The following NRXN3 variants were observed in gnomAD, a reference collection of about 807,000 sequenced individuals.
NRXN3 encodes neurexin 3, also known as neurexin III.
A neutral mutation model predicts 137.6 loss-of-function variants in NRXN3; 32 were observed. The observed-to-expected ratio is 0.23, with a 90% CI of 0.18 to 0.31. The LOEUF (loss-of-function observed/expected upper bound fraction) is 0.31, where lower values mean the gene tolerates loss of function less well. Ranked by LOEUF, NRXN3 falls within the 10% of genes least tolerant of loss-of-function variation. NRXN3 has a pLI of 1.00. For synonymous variants in NRXN3, 798 were observed against 784.5 expected, an observed-to-expected ratio of 1.02 and a Z score of -0.29; for missense variants, 1,574 against 2,062.5, an observed-to-expected ratio of 0.76 and a Z score of 4.59.
intron 4 of NRXN3, among the ~76,000 whole-genome samples, chr14:78,644,552 G>T (rs1384726508): frequency 6.6e-6 from 1 of 152,110 alleles, no homozygotes; most frequent in Non-Finnish European, 1.5e-5. Context: ...ACCTGCTCAG[G>T]TCCAACCTCC....
At chr14:78,660,500 C>T (rs1041927145) in intron 6 of NRXN3, among the ~76,000 whole-genome samples, 2 of 152,048 alleles carry the variant, frequency 1.3e-5, no homozygotes, top group African/African-American at 2.4e-5. Context: ...GGATCCATAA[C>T]ATACAGGCTC....
intron 16 of NRXN3, among the ~76,000 whole-genome samples, chr14:79,565,163 GTAAGTGCTA>G (rs978149649): frequency 1.3e-5 from 2 of 151,420 alleles, no homozygotes; most frequent in Admixed American, 6.6e-5. Context: ...TGTTGGTTGT[GTAAGTGCTA>G]TAAGTATAAA....
In NRXN3 at chr14:79,029,525, AAAGATTTC is replaced by A. The variant is rs1330345283; in HGVS notation, c.3262+41385_3262+41392del. On this transcript the variant is annotated intron_variant, in intron 15 of 20. Coordinates refer to ENST00000335750, the MANE Select transcript of NRXN3 (RefSeq NM_001330195.2). ...AAATTCCAGTTTACAGATGGATGGAAAAGATTTCTTCCTTGTGATAATAGAATGCAGGA... is the reference window on the plus strand; with the variant it reads ...AAATTCCAGTTTACAGATGGATGGAATTCCTTGTGATAATAGAATGCAGGA... Among the ~76,000 whole-genome samples the A allele has an allele frequency of 4.6e-5, 7 of 152,244 alleles. No individual in the cohort carries two copies. The East Asian group carries it at 1.2e-3, about 25-fold the overall frequency.
intron 16 of NRXN3, among the ~76,000 whole-genome samples, chr14:79,524,922 G>A (rs778652144): frequency 6.6e-6 from 1 of 152,110 alleles, no homozygotes; most frequent in African/African-American, 2.4e-5. Context: ...AGGCCTGGCC[G>A]TGTAGACTCT....
intron 14 of NRXN3, among the ~76,000 whole-genome samples, chr14:78,981,892 G>A (rs185426875): frequency 6.6e-6 from 1 of 152,256 alleles, no homozygotes; most frequent in African/African-American, 2.4e-5. Flanking sequence ...CTCTGTTTAG[G>A]AAAGGATGTA....
chr14:78,714,902 C>A lies in NRXN3; in HGVS notation c.1807C>A (p.Leu603Ile), dbSNP rs1193618493. The change falls in exon 8 of 21, where the codon CTC becomes ATC. Residue 603 changes from leucine (L) to isoleucine (I), a missense_variant. Leu to Ile is a conservative substitution (Grantham distance 5). Transcript: ENST00000335750. ...ILPTELWTAM[L>I]NYGYVGCIRD... ...CCCCACCGAGCTGTGGACTGCCATG[C>A]TCAACTATGGCTACGTGGGCTGCAT... 13 of 1,614,024 alleles carry A rather than the reference C, an allele frequency of 8.1e-6. No individual in the cohort carries two copies. Among genetic ancestry groups the A allele is most frequent in the Non-Finnish European group, 1.0e-5 (12 of 1,180,026 alleles).
intron 4 of NRXN3, among the ~76,000 whole-genome samples, chr14:78,421,231 C>T (rs1341298846): frequency 6.8e-6 from 1 of 146,784 alleles, no homozygotes; most frequent in African/African-American, 2.5e-5. Flanking sequence ...CCATTGCACT[C>T]TAGCCTGGTG....
chr14:78,702,037 T>C (rs1391117638), intron 6 of NRXN3, among the ~76,000 whole-genome samples: 1 of 152,176 alleles, frequency 6.6e-6, no homozygotes, highest in Non-Finnish European at 1.5e-5. Context: ...GAGATGCAGA[T>C]GTGACTCTGG....
intron 15 of NRXN3, among the ~76,000 whole-genome samples, chr14:79,223,462 A>G (rs1407942983): frequency 1.3e-5 from 2 of 152,138 alleles, no homozygotes; most frequent in Non-Finnish European, 2.9e-5. Context: ...TTAGAAATTT[A>G]CTGCCATCTT....
At chr14:79,614,768 G>T (rs1329083275) in intron 16 of NRXN3, among the ~76,000 whole-genome samples, 2 of 152,126 alleles carry the variant, frequency 1.3e-5, no homozygotes, top group Admixed American at 6.5e-5. Flanking sequence ...AAACTGGCGG[G>T]ATTTCATTAC....
intron 14 of NRXN3, among the ~76,000 whole-genome samples, chr14:78,969,974 T>C (rs1165827885): frequency 6.6e-6 from 1 of 152,166 alleles, no homozygotes; most frequent in East Asian, 1.9e-4. Context: ...TTAGTTCTTT[T>C]GTGTATTAAA....
chr14:78,233,688 C>CAAAAAAAAAAAAAAAAAAA (rs10673907), intron 1 of NRXN3, among the ~76,000 whole-genome samples: 1 of 117,626 alleles, frequency 8.5e-6, no homozygotes, highest in Non-Finnish European at 1.8e-5. Context: ...AAGTATGCTT[C>CAAAAAAAAAAAAAAAAAAA]AAAAAAAAAA....
intron 20 of NRXN3, among the ~76,000 whole-genome samples, chr14:79,854,782 C>A (rs989545959): frequency 4.6e-5 from 7 of 152,152 alleles, no homozygotes; most frequent in African/African-American, 9.7e-5. Context: ...GAAATTAGTT[C>A]TTTTCCTTCA....
chr14:79,285,009 C>T (rs2153450603), intron 15 of NRXN3, among the ~76,000 whole-genome samples: 1 of 152,190 alleles, frequency 6.6e-6, no homozygotes, highest in Non-Finnish European at 1.5e-5. Flanking sequence ...CTTTAAAATT[C>T]ACTGGTGAGT....
intron 15 of NRXN3, among the ~76,000 whole-genome samples, chr14:79,423,147 G>T (rs1328703063): frequency 6.6e-6 from 1 of 152,182 alleles, no homozygotes; most frequent in Non-Finnish European, 1.5e-5. Flanking sequence ...TCAGGCTACA[G>T]ATTCTTGCTC....
chr14:79,618,373 A>G (rs532286504), intron 16 of NRXN3, among the ~76,000 whole-genome samples: 14 of 152,074 alleles, frequency 9.2e-5, no homozygotes, highest in Admixed American at 2.0e-4. Flanking sequence ...CCCAGTGTCT[A>G]TTGTTGACAT....
intron 2 of NRXN3, among the ~76,000 whole-genome samples, chr14:78,248,577 G>T (rs2068093350): frequency 6.6e-6 from 1 of 151,960 alleles, no homozygotes; most frequent in South Asian, 2.1e-4. Flanking sequence ...GGGACCAGTG[G>T]TTGCCTCAGT....
intron 15 of NRXN3, among the ~76,000 whole-genome samples, chr14:79,071,353 AG>A (rs1166731134): frequency 6.6e-6 from 1 of 152,112 alleles, no homozygotes; most frequent in Non-Finnish European, 1.5e-5. Flanking sequence ...CATCTACATT[AG>A]GTATTTCTCC....
chr14:79,054,216 T>C (rs10140005), intron 15 of NRXN3, among the ~76,000 whole-genome samples: 6,479 of 150,782 alleles, frequency 0.043, 524 homozygotes, highest in African/African-American at 0.15. Flanking sequence ...TGTTAAATGA[T>C]GAGTTAATGG....
Sources: allele counts gnomAD v4.1 joint callset (sites outside exome capture counted in the v4.1 genomes callset), GRCh38; gene constraint gnomAD v4.1.1; transcripts MANE v1.5; gene names NCBI Gene and HGNC (gene_info 2026-07-23, HGNC 2026-07-21).